The following TNS3 variants were observed in gnomAD, a reference collection of about 807,000 sequenced individuals.
TNS3 encodes tensin 3, also known as tensin-3.
A neutral mutation model predicts 140.9 loss-of-function variants in TNS3; 45 were observed. The observed-to-expected ratio is 0.32, with a 90% CI of 0.25 to 0.41. The LOEUF (loss-of-function observed/expected upper bound fraction) is 0.41, where lower values mean the gene tolerates loss of function less well. TNS3 is among the 10% of genes least tolerant of loss of function. The pLI is 1.00. For missense variants in TNS3, 1,716 were observed against 1,906.7 expected (o/e 0.90, Z 1.86); for synonymous variants, 815 against 788.4 (o/e 1.03, Z -0.56).
intron 3 of TNS3, among the ~76,000 whole-genome samples, chr7:47,486,439 A>G (rs1220304950): frequency 1.3e-5 from 2 of 152,122 alleles, no homozygotes; most frequent in African/African-American, 4.8e-5. Context: ...TGCACACACA[A>G]CAAAGCTTAG....
chr7:47,369,278 G>C lies in TNS3; in HGVS notation c.1368C>G (p.His456Gln). Residue 456 changes from histidine (H) to glutamine (Q), a missense_variant, in exon 17 of 31, where the codon CAC (histidine) becomes CAG (glutamine). By Grantham distance (24) the His-to-Gln change is conservative. This residue lies in a region of TNS3 where 1,163 missense variants were observed against 1,182.1 expected (regional missense o/e 0.98). Transcript: ENST00000311160. ...TCACGTGAACCTGGGCTGGCACCAC[G>C]TGGCGGGTCCCACTGTACTTGCTTC... ...DARSKYSGTR[H>Q]VVPAQVHVNG... The C allele has an allele frequency of 6.2e-7, 1 of 1,614,206 alleles. No individual in the cohort carries two copies. Among genetic ancestry groups the C allele is most frequent in the Non-Finnish European group, 8.5e-7 (1 of 1,180,048 alleles).
At chr7:47,509,606 A>G (rs1798537014) in intron 2 of TNS3, among the ~76,000 whole-genome samples, 1 of 152,104 alleles carries the variant, frequency 6.6e-6, no homozygotes, top group South Asian at 2.1e-4. Context: ...GCATCCAGCC[A>G]TACTCTCCCT....
rs1293594646 is a variant in TNS3, at chr7:47,389,076, A to C, written c.1024+7724T>G. Among the ~76,000 whole-genome samples the C allele has an allele frequency of 5.7e-4, 33 of 58,322 alleles. 5 individuals carry two copies. The highest frequency in any genetic ancestry group is 5.5e-3 in the Middle Eastern group (1 of 182). The allele number at this position is 58,322 out of a possible 152,430, so 38.3% of individuals were successfully genotyped here. ...GAAGAAGAAGAAGAAGAAGAAGAAG[A>C]AGAAGAAGAGGAAGAGGAAGAGGAA... On this transcript the variant is annotated intron_variant, in intron 16 of 30. Coordinates refer to ENST00000311160, the MANE Select transcript of TNS3 (RefSeq NM_022748.12).
intron 10 of TNS3, among the ~76,000 whole-genome samples, chr7:47,420,496 A>T (rs1345903169): frequency 6.6e-6 from 1 of 152,216 alleles, no homozygotes; most frequent in Non-Finnish European, 1.5e-5. Flanking sequence ...AGAAACCCTC[A>T]GATAGGCATG....
chr7:47,295,050 T>C lies in TNS3; in HGVS notation c.3677-1222A>G, dbSNP rs114135401. On this transcript the variant is annotated intron_variant, in intron 24 of 30. Coordinates refer to ENST00000311160, the MANE Select transcript of TNS3 (RefSeq NM_022748.12). ...ACCTGGTAAACTCTTTGCTCAAATC[T>C]ATCCTTGGATTGTGAAATCTGAATG... Among the ~76,000 whole-genome samples, 1,023 of 152,280 alleles carry C rather than the reference T, an allele frequency of 6.7e-3. 15 individuals carry two copies. Among genetic ancestry groups the C allele is most frequent in the African/African-American group, 0.023 (961 of 41,558 alleles).
At chr7:47,530,166 G>T (rs1025730769) in intron 1 of TNS3, among the ~76,000 whole-genome samples, 1 of 152,138 alleles carries the variant, frequency 6.6e-6, no homozygotes, top group African/African-American at 2.4e-5. Flanking sequence ...ATGCTAGAAA[G>T]TTAAGTAGAG....
intron 1 of TNS3, among the ~76,000 whole-genome samples, chr7:47,558,739 C>T (rs570173460): frequency 6.6e-6 from 1 of 152,262 alleles, no homozygotes; most frequent in African/African-American, 2.4e-5. Flanking sequence ...AGCTCTGCCT[C>T]CCCAGGGTCC....
In TNS3 at chr7:47,566,366, T is replaced by A. The variant is rs562425270; in HGVS notation, c.-265+15685A>T. On this transcript the variant is annotated intron_variant, in intron 1 of 30. Transcript: ENST00000311160. ...GCGTGCTGCCCAAAGGTACTCAGGGTGCTCTTACAGAGTCAGGGTTTGAGA... is the reference window on the plus strand; with the variant it reads ...GCGTGCTGCCCAAAGGTACTCAGGGAGCTCTTACAGAGTCAGGGTTTGAGA... Among the ~76,000 whole-genome samples, 3 of 152,304 alleles carry A rather than the reference T, an allele frequency of 2.0e-5. No homozygotes were observed. The South Asian group carries it at 6.2e-4, about 32-fold the overall frequency.
intron 10 of TNS3, among the ~76,000 whole-genome samples, chr7:47,423,045 T>C (rs913753043): frequency 2.6e-5 from 4 of 152,152 alleles, no homozygotes; most frequent in Admixed American, 2.6e-4. Context: ...GCCATGCCAT[T>C]GGAAATAGCA....
intron 1 of TNS3, among the ~76,000 whole-genome samples, chr7:47,574,670 CAG>C (rs1489988789): frequency 6.6e-6 from 1 of 151,888 alleles, no homozygotes; most frequent in Non-Finnish European, 1.5e-5. Context: ...CGGTATTATT[CAG>C]CCTTAAAAAG....
At position 47,300,890 on chromosome 7, in the gene TNS3, G is replaced by C. The variant is rs538788898; in HGVS notation, c.3544+1296C>G. ...AGTGTTTCACAAAGGCCAATTCAGG[G>C]AAATGAAGGTCTTTCCAGGCCACAG... On this transcript the variant is annotated intron_variant, in intron 23 of 30. Coordinates refer to ENST00000311160, the MANE Select transcript of TNS3 (RefSeq NM_022748.12). Among the ~76,000 whole-genome samples, 10 of 152,324 alleles carry C rather than the reference G, an allele frequency of 6.6e-5. No individual in the cohort carries two copies. The South Asian group carries it at 2.1e-3, about 32-fold the overall frequency.
intron 20 of TNS3, among the ~76,000 whole-genome samples, chr7:47,340,668 G>A (rs894347824): frequency 2.0e-5 from 3 of 146,390 alleles, no homozygotes; most frequent in East Asian, 2.0e-4. Context: ...TGCAAGCTCC[G>A]CCTCTTCCCT....
At chr7:47,343,254 T>C (rs1036405709) in intron 20 of TNS3, among the ~76,000 whole-genome samples, 3 of 152,172 alleles carry the variant, frequency 2.0e-5, no homozygotes, top group Admixed American at 6.5e-5. Flanking sequence ...GCCAGGCCAC[T>C]GGGTACCCCA....
intron 17 of TNS3, among the ~76,000 whole-genome samples, chr7:47,366,471 T>C (rs1450429909): frequency 2.0e-5 from 3 of 152,204 alleles, no homozygotes; most frequent in African/African-American, 4.8e-5. Context: ...GGCACTGGGA[T>C]AGGGTTTCCT....
chr7:47,296,701 G>T (rs1786044218), intron 24 of TNS3, among the ~76,000 whole-genome samples: 2 of 152,090 alleles, frequency 1.3e-5, no homozygotes, highest in Admixed American at 6.5e-5. Flanking sequence ...AAATGTGTTT[G>T]CCTGCATTTG....
chr7:47,453,170 A>T, intron 4 of TNS3: 1 of 985,554 alleles, frequency 1.0e-6, no homozygotes, highest in Non-Finnish European at 1.2e-6. Context: ...GCCCGGCCCC[A>T]CGGTGAGCAC....
intron 17 of TNS3, among the ~76,000 whole-genome samples, chr7:47,366,551 C>T (rs762103558): frequency 1.3e-5 from 2 of 152,206 alleles, no homozygotes; most frequent in Non-Finnish European, 2.9e-5. Flanking sequence ...CTCAGGCAAC[C>T]CACAGCACAC....
At chr7:47,514,304 A>G (rs614280) in intron 2 of TNS3, among the ~76,000 whole-genome samples, 98,238 of 152,066 alleles carry the variant, frequency 0.65, 32,274 homozygotes, top group Non-Finnish European at 0.71. Context: ...TGTTCTCCTG[A>G]AGTCCTAATA....
intron 1 of TNS3, among the ~76,000 whole-genome samples, chr7:47,535,154 C>A (rs1003608965): frequency 6.6e-6 from 1 of 152,234 alleles, no homozygotes; most frequent in Non-Finnish European, 1.5e-5. Context: ...CCCTGCCCAG[C>A]GCCTGGCAGA....
Sources: gnomAD v4.1 joint callset for allele counts (sites outside exome capture counted in the v4.1 genomes callset) on GRCh38, gnomAD v4.1.1 for gene constraint, gnomAD v4.1.1 regional missense constraint, MANE v1.5 for transcripts, NCBI Gene and HGNC (gene_info 2026-07-23, HGNC 2026-07-21) for gene names.